The following TMEM272 variants were observed in gnomAD, a reference collection of about 807,000 sequenced individuals.
The protein encoded by TMEM272 is long intergenic non-protein coding RNA 282.
A neutral mutation model predicts 3.7 loss-of-function variants in TMEM272; 8 were observed. That is an observed-to-expected ratio of 2.17 (90% CI 1.27 to 3.91). The LOEUF (loss-of-function observed/expected upper bound fraction) is 3.91. Ranked by LOEUF, TMEM272 falls within the 30% of genes most tolerant of loss-of-function variation. The probability of loss-of-function intolerance (pLI) is 0.00; values close to 1 mark genes in which losing one functional copy is unlikely to be tolerated. For missense variants in TMEM272, 166 were observed against 91.5 expected, an observed-to-expected ratio of 1.81 and a Z score of -3.32; for synonymous variants, 63 against 39.8, an observed-to-expected ratio of 1.58 and a Z score of -2.20.
At chr13:51,836,256 G>A (rs373200779) in intron 2 of TMEM272, among the ~76,000 whole-genome samples, 12 of 152,204 alleles carry the variant, frequency 7.9e-5, no homozygotes, top group African/African-American at 2.9e-4. Flanking sequence ...ACACAAGAAG[G>A]CCCTCCCCAG....
At chr13:51,891,747 G>A in the TMEM272 span, among the ~76,000 whole-genome samples, 1 of 152,238 alleles carries the variant, frequency 6.6e-6, no homozygotes, top group East Asian at 1.9e-4. Context: ...GCAGGACTGT[G>A]TCTTATTCAT....
chr13:51,928,571 G>A, the TMEM272 span, among the ~76,000 whole-genome samples: 3 of 152,308 alleles, frequency 2.0e-5, no homozygotes, highest in Non-Finnish European at 2.9e-5. Flanking sequence ...TGACCACTGC[G>A]TACCTTGCAC....
the TMEM272 span, among the ~76,000 whole-genome samples, chr13:51,852,255 A>T: frequency 5.3e-5 from 8 of 152,178 alleles, no homozygotes; most frequent in South Asian, 2.1e-4. Context: ...ATGGTTGAAA[A>T]TTTTTTTCAT....
At chr13:51,831,371 C>A (rs1379398999) in intron 2 of TMEM272, among the ~76,000 whole-genome samples, 1 of 152,118 alleles carries the variant, frequency 6.6e-6, no homozygotes, top group African/African-American at 2.4e-5. Flanking sequence ...CTGTAGTGAA[C>A]CATAATCCCG....
At chr13:51,882,835 G>A in the TMEM272 span, among the ~76,000 whole-genome samples, 1 of 152,150 alleles carries the variant, frequency 6.6e-6, no homozygotes, top group Non-Finnish European at 1.5e-5. Context: ...TCCTTGGAGT[G>A]CTGCTTTGCC....
intron 4 of TMEM272, among the ~76,000 whole-genome samples, chr13:51,819,270 T>C (rs1956059282): frequency 6.6e-6 from 1 of 152,104 alleles, no homozygotes; most frequent in South Asian, 2.1e-4. Flanking sequence ...TTGCCTGTAG[T>C]AGGTTGGCTG....
chr13:51,827,954 T>G (rs1476019457), intron 2 of TMEM272, among the ~76,000 whole-genome samples: 1 of 152,194 alleles, frequency 6.6e-6, no homozygotes, highest in Non-Finnish European at 1.5e-5. Flanking sequence ...GAAACAAGGT[T>G]TCTCCCTCCC....
chr13:51,876,489 T>TAA, the TMEM272 span, among the ~76,000 whole-genome samples: 10 of 152,260 alleles, frequency 6.6e-5, no homozygotes, highest in African/African-American at 9.6e-5. Flanking sequence ...CAAAGATTGT[T>TAA]CTGTGCCTTG....
the TMEM272 span, chr13:51,865,993 C>T: frequency 3.7e-6 from 6 of 1,613,632 alleles, no homozygotes; most frequent in African/African-American, 6.7e-5. Flanking sequence ...ACAATGGCCA[C>T]ATTGCCGGAG....
At chr13:51,862,054 G>A in the TMEM272 span, 1 of 152,170 alleles carries the variant, frequency 6.6e-6, no homozygotes, top group Non-Finnish European at 1.5e-5. Flanking sequence ...TTTTATAGGG[G>A]TCCCCTTCTT....
At chr13:51,901,364 T>C in the TMEM272 span, among the ~76,000 whole-genome samples, 1 of 152,234 alleles carries the variant, frequency 6.6e-6, no homozygotes, top group Non-Finnish European at 1.5e-5. Context: ...TGCAGAAATA[T>C]CCCTGGTACA....
chr13:51,877,883 A>G, the TMEM272 span, among the ~76,000 whole-genome samples: 4 of 152,354 alleles, frequency 2.6e-5, no homozygotes, highest in South Asian at 8.3e-4. Flanking sequence ...TCTCCCATAT[A>G]TAAGTGGGAT....
the TMEM272 span, among the ~76,000 whole-genome samples, chr13:51,851,083 A>G: frequency 3.3e-5 from 5 of 152,148 alleles, no homozygotes; most frequent in Non-Finnish European, 5.9e-5. Context: ...AAGAGGTACT[A>G]CAGCACTTTG....
At chr13:51,925,272 T>C in the TMEM272 span, among the ~76,000 whole-genome samples, 2 of 152,208 alleles carry the variant, frequency 1.3e-5, no homozygotes, top group Non-Finnish European at 2.9e-5. Flanking sequence ...TTTCATCGAC[T>C]GACTTCTAAA....
the TMEM272 span, among the ~76,000 whole-genome samples, chr13:51,901,561 T>C: frequency 2.0e-5 from 3 of 151,994 alleles, no homozygotes; most frequent in African/African-American, 7.2e-5. Flanking sequence ...AATACATCAG[T>C]TGACTTGGGT....
chr13:51,851,812 C>T, the TMEM272 span, among the ~76,000 whole-genome samples: 61 of 152,288 alleles, frequency 4.0e-4, no homozygotes, highest in African/African-American at 1.2e-3. Context: ...CGTGAGCCAC[C>T]GCGCCCAGCC....
At chr13:51,921,154 G>A in the TMEM272 span, 2 of 152,258 alleles carry the variant, frequency 1.3e-5, no homozygotes, top group African/African-American at 2.4e-5. Context: ...ACATTTCTCA[G>A]GCTGTCAAGT....
chr13:51,872,421 G>T, the TMEM272 span, among the ~76,000 whole-genome samples: 5 of 152,078 alleles, frequency 3.3e-5, no homozygotes, highest in African/African-American at 1.2e-4. Context: ...GAGAGGCTTA[G>T]ACCAGGAGTT....
chr13:51,916,488 C>T, the TMEM272 span, among the ~76,000 whole-genome samples: 2 of 152,242 alleles, frequency 1.3e-5, no homozygotes, highest in African/African-American at 2.4e-5. Flanking sequence ...CTATCATCAA[C>T]GCATTCTTCC....
Sources: allele counts gnomAD v4.1 joint callset (sites outside exome capture counted in the v4.1 genomes callset), GRCh38; gene constraint gnomAD v4.1.1; transcripts MANE v1.5; gene names NCBI Gene and HGNC (gene_info 2026-07-23, HGNC 2026-07-21).